The following DAB2IP variants were observed in gnomAD, a reference collection of about 807,000 sequenced individuals.
The protein encoded by DAB2IP is DAB2 interacting protein.
A neutral mutation model predicts 107.2 loss-of-function variants in DAB2IP; 28 were observed. The observed-to-expected ratio is 0.26, with a 90% CI of 0.19 to 0.36. The LOEUF (loss-of-function observed/expected upper bound fraction) is 0.36. Ranked by LOEUF, DAB2IP falls within the 10% of genes least tolerant of loss-of-function variation. The probability of loss-of-function intolerance (pLI) is 1.00; values close to 1 mark genes in which losing one functional copy is unlikely to be tolerated. For missense variants in DAB2IP, 1,400 were observed against 1,644.7 expected (o/e 0.85, Z 2.57); for synonymous variants, 755 against 706.4 (o/e 1.07, Z -1.09).
intron 3 of DAB2IP, among the ~76,000 whole-genome samples, chr9:121,717,485 C>T (rs977553547): frequency 1.3e-5 from 2 of 152,240 alleles, no homozygotes; most frequent in Non-Finnish European, 2.9e-5. Context: ...TGAGAATCCG[C>T]CCCTGGGCAG....
rs1831918888 is a variant in DAB2IP at position 121,736,400 on chromosome 9, T to TCCAGGGCGGGC, written c.363-20606_363-20605insGGGCCCAGGGC. Among the ~76,000 whole-genome samples the TCCAGGGCGGGC allele has an allele frequency of 1.4e-5, 2 of 145,246 alleles. No homozygotes were observed. Among genetic ancestry groups the TCCAGGGCGGGC allele is most frequent in the Admixed American group, 1.3e-4 (2 of 15,026 alleles). ...AAGGCAGAGACCCCCGAACCCCTGCTCCAGGGCCTGCGCGTCCCGCCCGCC... is the reference window on the plus strand; with the variant it reads ...AAGGCAGAGACCCCCGAACCCCTGCTCCAGGGCGGGCCCAGGGCCTGCGCGTCCCGCCCGCC... On this transcript the variant is annotated intron_variant, in intron 3 of 15. Coordinates refer to ENST00000408936, the Ensembl canonical transcript of DAB2IP. This position sits in a 1 kb window ranked among gnomAD's most constrained non-coding sequence, Gnocchi z 4.6.
intron 12 of DAB2IP, among the ~76,000 whole-genome samples, chr9:121,774,053 C>T (rs1157573502): frequency 6.6e-6 from 1 of 152,206 alleles, no homozygotes; most frequent in Admixed American, 6.5e-5. Flanking sequence ...AGGAGGCCAC[C>T]TGGCACCTGT....
chr9:121,651,843 G>C lies in DAB2IP; in HGVS notation c.68G>C (p.Arg23Pro). ...TCCTACTACTACCGGCTGCTGAGGCGGCCCCGGCTGCAGCGACAGAGGAGC... is the reference window on the plus strand; with the variant it reads ...TCCTACTACTACCGGCTGCTGAGGCCGCCCCGGCTGCAGCGACAGAGGAGC... Residue 23 changes from arginine to proline, a missense_variant, in exon 1 of 16, where the codon CGG (arginine) becomes CCG (proline). Physicochemically the swap from Arg to Pro is moderately radical, Grantham distance 103 (BLOSUM62 -2). Around this residue, in one of 3 missense-constraint regions of DAB2IP, gnomAD observed 283 missense variants for 237.0 expected, o/e 1.19. Coordinates refer to ENST00000408936, the Ensembl canonical transcript of DAB2IP. This position sits in a 1 kb window ranked among gnomAD's most constrained non-coding sequence, Gnocchi z 5.1. 2 of 1,468,506 alleles carry C rather than the reference G, an allele frequency of 1.4e-6. No individual in the cohort carries two copies. The highest frequency in any genetic ancestry group is 1.8e-6 in the Non-Finnish European group (2 of 1,107,696). The allele number at this position is 1,468,506 out of a possible 1,614,324, so 91.0% of individuals were successfully genotyped here.
chr9:121,678,453 C>T (rs997033616), intron 1 of DAB2IP, among the ~76,000 whole-genome samples: 10 of 152,206 alleles, frequency 6.6e-5, no homozygotes, highest in Non-Finnish European at 1.5e-4. Flanking sequence ...TATTTGAGTA[C>T]TTGTTTTCAA....
rs990463776 is a variant in DAB2IP, at chr9:121,699,883, C to T, written c.362+425C>T. On this transcript the variant is annotated intron_variant, in intron 3 of 15. Coordinates refer to ENST00000408936, the Ensembl canonical transcript of DAB2IP. The surrounding 1 kb of genome is among the most constrained non-coding windows in gnomAD (Gnocchi z 6.2). ...ATCAGATACAAAAGGCATTTTCGGC[C>T]GGGTTTGGCCGAGACCGGGCGCTGC... 6.6e-6 allele frequency among the ~76,000 whole-genome samples: 1 copy of T among 152,208 alleles called. No individual in the cohort carries two copies. The highest frequency in any genetic ancestry group is 1.5e-5 in the Non-Finnish European group (1 of 68,030).
At chr9:121,759,074 C>G (rs1301205387) in intron 5 of DAB2IP, 78 bp downstream of exon 5, 1 of 1,430,904 alleles carries the variant, frequency 7.0e-7, no homozygotes, top group Non-Finnish European at 9.7e-7. Context: ...GAGACTATCT[C>G]TGTGGTGTGG....
chr9:121,783,882 G>A, exon 16 of DAB2IP: 1 of 371,714 alleles, frequency 2.7e-6, no homozygotes, highest in Non-Finnish European at 5.0e-6. Flanking sequence ...TCTGTTCCCA[G>A]CCCCTGCAGA....
intron 1 of DAB2IP, among the ~76,000 whole-genome samples, chr9:121,671,192 C>T (rs1488959147): frequency 1.3e-5 from 2 of 151,984 alleles, no homozygotes; most frequent in African/African-American, 2.4e-5. Context: ...AAAAATTAGC[C>T]GGGCATGGTG....
intron 1 of DAB2IP, among the ~76,000 whole-genome samples, chr9:121,661,644 T>C (rs557371203): frequency 8.5e-5 from 13 of 152,116 alleles, no homozygotes; most frequent in Non-Finnish European, 1.9e-4. Context: ...GACCACCAGT[T>C]TGGGCCAAAC....
chr9:121,679,938 C>T (rs1473326129), intron 2 of DAB2IP, among the ~76,000 whole-genome samples: 1 of 152,186 alleles, frequency 6.6e-6, no homozygotes, highest in East Asian at 1.9e-4. Flanking sequence ...CTCTGCTTGC[C>T]ATAGGGCTGG....
intron 1 of DAB2IP, among the ~76,000 whole-genome samples, chr9:121,613,943 T>G (rs774009380): frequency 2.0e-5 from 3 of 152,202 alleles, no homozygotes; most frequent in Non-Finnish European, 4.4e-5. Context: ...TGGTGTTGGC[T>G]TCTGCCCTGT....
intron 1 of DAB2IP, among the ~76,000 whole-genome samples, chr9:121,612,232 C>A (rs559607742): frequency 6.6e-6 from 1 of 151,808 alleles, no homozygotes; most frequent in Non-Finnish European, 1.5e-5. Context: ...GTGGGAGGAT[C>A]GCTTAAGTCC....
chr9:121,663,417 C>G (rs1833287164), intron 1 of DAB2IP, among the ~76,000 whole-genome samples: 1 of 152,106 alleles, frequency 6.6e-6, no homozygotes, highest in Non-Finnish European at 1.5e-5. Context: ...CAAACACGTC[C>G]CCTCTGAGCA....
exon 16 of DAB2IP, chr9:121,783,061 G>T: frequency 9.7e-7 from 1 of 1,029,206 alleles, no homozygotes; most frequent in Non-Finnish European, 1.2e-6. Flanking sequence ...GTCTCCATCC[G>T]AAGCACCTGC....
intron 3 of DAB2IP, among the ~76,000 whole-genome samples, chr9:121,716,627 G>A (rs1319815360): frequency 6.6e-6 from 1 of 152,190 alleles, no homozygotes; most frequent in Non-Finnish European, 1.5e-5. Context: ...CAGCACCCCA[G>A]TGTGCTGCCA....
intron 2 of DAB2IP, among the ~76,000 whole-genome samples, chr9:121,689,126 C>G (rs1014606053): frequency 6.6e-6 from 1 of 152,088 alleles, no homozygotes; most frequent in East Asian, 1.9e-4. Flanking sequence ...AACCCTGTCT[C>G]TATTAAAAAC....
intron 2 of DAB2IP, among the ~76,000 whole-genome samples, chr9:121,686,640 A>C (rs929883603): frequency 6.6e-6 from 1 of 152,078 alleles, no homozygotes; most frequent in Non-Finnish European, 1.5e-5. Flanking sequence ...GCAGGATTAG[A>C]ATCTTGGCCA....
At chr9:121,653,447 G>A (rs1589456917) in intron 1 of DAB2IP, among the ~76,000 whole-genome samples, 1 of 152,100 alleles carries the variant, frequency 6.6e-6, no homozygotes, top group South Asian at 2.1e-4. Context: ...GGGAATCTGG[G>A]CTCAAGCTTT....
chr9:121,670,252 T>C (rs929390143), intron 1 of DAB2IP, among the ~76,000 whole-genome samples: 1 of 152,248 alleles, frequency 6.6e-6, no homozygotes, highest in Non-Finnish European at 1.5e-5. Flanking sequence ...GTATCAATAG[T>C]GTGTTTCTTT....
Sources: gnomAD v4.1 joint callset for allele counts (sites outside exome capture counted in the v4.1 genomes callset) on GRCh38, gnomAD v4.1.1 for gene constraint, gnomAD v4.1.1 regional missense constraint, Gnocchi (gnomAD v3.1) non-coding constraint, MANE v1.5 for transcripts, NCBI Gene and HGNC (gene_info 2026-07-23, HGNC 2026-07-21) for gene names.